The following CADM2 variants were observed in gnomAD, a reference collection of about 807,000 sequenced individuals.
CADM2 encodes immunoglobulin superfamily member 4D.
In CADM2, 12 loss-of-function variants were observed where a neutral mutation model predicts 49.8. The observed-to-expected ratio is 0.24, with a 90% confidence interval of 0.15 to 0.39. CADM2 has a LOEUF of 0.39. Ranked by LOEUF, CADM2 falls within the 10% of genes least tolerant of loss-of-function variation. The pLI is 1.00. For synonymous variants in CADM2, 214 were observed against 175.4 expected, an observed-to-expected ratio of 1.22 and a Z score of -1.74; for missense variants, 378 against 492.3, an observed-to-expected ratio of 0.77 and a Z score of 2.20.
chr3:85,965,864 A>G (rs1160898443), intron 8 of CADM2, among the ~76,000 whole-genome samples: 1 of 151,630 alleles, frequency 6.6e-6, no homozygotes, highest in South Asian at 2.1e-4. Context: ...ATTGGAAGCA[A>G]TGCATACTCT....
chr3:85,926,249 CTGTT>C (rs1474799145), intron 6 of CADM2, among the ~76,000 whole-genome samples: 1 of 151,812 alleles, frequency 6.6e-6, no homozygotes, highest in African/African-American at 2.4e-5. Context: ...CAAGAGAATT[CTGTT>C]TGTTTTTTTG....
At chr3:85,019,359 T>C (rs973702586) in intron 1 of CADM2, among the ~76,000 whole-genome samples, 5 of 152,148 alleles carry the variant, frequency 3.3e-5, no homozygotes. Context: ...GGTGCATGCC[T>C]GTTGTCCCAG....
chr3:85,001,179 C>A (rs761498118), intron 1 of CADM2, among the ~76,000 whole-genome samples: 1 of 151,766 alleles, frequency 6.6e-6, no homozygotes, highest in African/African-American at 2.4e-5. Context: ...ATTTGACATC[C>A]TCTCTGTCCC....
intron 1 of CADM2, among the ~76,000 whole-genome samples, chr3:84,985,675 A>T (rs768913126): frequency 5.3e-5 from 8 of 152,182 alleles, no homozygotes; most frequent in Non-Finnish European, 1.2e-4. Flanking sequence ...CCAGATGTAC[A>T]CGAAATTATC....
intron 2 of CADM2, among the ~76,000 whole-genome samples, chr3:85,729,704 T>A (rs1434373185): frequency 2.0e-5 from 3 of 152,246 alleles, no homozygotes; most frequent in Non-Finnish European, 2.9e-5. Context: ...AACGTATTGC[T>A]AAGGCTCTAT....
rs546100600 is a variant in CADM2, at chr3:85,370,468, A to C, written c.62-356054A>C. On this transcript the variant is annotated intron_variant, in intron 1 of 9. Coordinates refer to ENST00000383699, the MANE Select transcript of CADM2 (RefSeq NM_001167675.2). The stretch of plus-strand genomic sequence containing the variant: ...GAACTAAAATATAATGGAGCTAAAA[A>C]ATTCCTATTGCCTAGTGCTGTCATA... 2.0e-5 allele frequency among the ~76,000 whole-genome samples: 3 copies of C among 151,788 alleles called. No homozygotes were observed. In the East Asian group the frequency reaches 5.8e-4, roughly 29 times the overall value.
At chr3:85,422,434 C>T (rs971810782) in intron 1 of CADM2, among the ~76,000 whole-genome samples, 9 of 151,986 alleles carry the variant, frequency 5.9e-5, no homozygotes, top group Non-Finnish European at 1.2e-4. Context: ...CCTGCCACCA[C>T]GCCCGGCTAA....
At chr3:86,062,532 C>A (rs1490360603) in intron 8 of CADM2, among the ~76,000 whole-genome samples, 1 of 151,924 alleles carries the variant, frequency 6.6e-6, no homozygotes, top group Non-Finnish European at 1.5e-5. Flanking sequence ...AATCCCAGCA[C>A]TTTGGGAGGC....
At position 84,981,333 on chromosome 3, in the gene CADM2, AG is replaced by A. The variant is rs1183076667; in HGVS notation, c.61+21667del. 2.6e-5 allele frequency among the ~76,000 whole-genome samples: 4 copies of A among 152,076 alleles called. No homozygotes were observed. In the East Asian group the frequency reaches 7.7e-4, roughly 29 times the overall value. On this transcript the variant is annotated intron_variant, in intron 1 of 9. Transcript: ENST00000383699. ...GTTAATAATTACAGAACATTTAGAA[AG>A]GATATACCATAGTCTTCCATTTTAA... is the stretch of plus-strand genomic sequence containing the variant.
intron 1 of CADM2, among the ~76,000 whole-genome samples, chr3:85,586,568 A>C (rs577427272): frequency 7.9e-5 from 12 of 152,284 alleles, no homozygotes; most frequent in East Asian, 1.9e-4. Context: ...TCCATTTTGC[A>C]GTAGAATTAC....
At chr3:85,347,404 T>C (rs982343955) in intron 1 of CADM2, among the ~76,000 whole-genome samples, 5 of 146,824 alleles carry the variant, frequency 3.4e-5, no homozygotes, top group African/African-American at 9.8e-5. Context: ...TACTTTTTAA[T>C]ATCTACTCAA....
intron 8 of CADM2, among the ~76,000 whole-genome samples, chr3:86,017,394 T>C (rs959157135): frequency 1.3e-5 from 2 of 151,912 alleles, no homozygotes; most frequent in Admixed American, 6.6e-5. Context: ...TATAAAATAT[T>C]TTTACTTGAT....
intron 1 of CADM2, among the ~76,000 whole-genome samples, chr3:85,605,562 C>T (rs1004670615): frequency 6.6e-6 from 1 of 152,010 alleles, no homozygotes; most frequent in African/African-American, 2.4e-5. Context: ...GAATCCAGAC[C>T]TCCAACTGTT....
chr3:85,277,024 A>T, intron 1 of CADM2, among the ~76,000 whole-genome samples: 1 of 151,402 alleles, frequency 6.6e-6, no homozygotes, highest in East Asian at 1.9e-4. Context: ...GTTAATCTTA[A>T]GCTAATACAA....
At chr3:85,109,450 A>AG (rs1181974152) in intron 1 of CADM2, among the ~76,000 whole-genome samples, 8 of 151,926 alleles carry the variant, frequency 5.3e-5, no homozygotes, top group Admixed American at 1.3e-4. Context: ...ATAGAAAAGT[A>AG]GGGGGGGAAA....
At position 85,266,580 on chromosome 3, in the gene CADM2, G is replaced by T. The variant is rs867755900; in HGVS notation, c.61+306912G>T. Among the ~76,000 whole-genome samples, 34 of 57,332 alleles carry T rather than the reference G, an allele frequency of 5.9e-4. 1 individual carries two copies. In the Middle Eastern group the frequency reaches 0.042, roughly 70 times the overall value. The allele number at this position is 57,332 out of a possible 152,430, so 37.6% of individuals were successfully genotyped here. ...ATCTCAATGATAAGGTGATAATGAA[G>T]AATTATTTTTATGAAACTAGAGTCA... is the stretch of plus-strand genomic sequence containing the variant. On this transcript the variant is annotated intron_variant, in intron 1 of 9. Coordinates refer to ENST00000383699, the MANE Select transcript of CADM2 (RefSeq NM_001167675.2).
Position 85,321,116 on chromosome 3 carries a change from ATTTTTTTTTTTTTTTTTTTTTTT to A in CADM2, c.61+361476_61+361498del, listed in dbSNP as rs1157576505. ...CATATATATATATATATATATATAT[ATTTTTTTTTTTTTTTTTTTTTTT>A]TTTTTTTTTTTTTTTTTTTTTTTTT... On this transcript the variant is annotated intron_variant, in intron 1 of 9. Transcript: ENST00000383699. Among the ~76,000 whole-genome samples, 70 of 27,490 alleles carry A rather than the reference ATTTTTTTTTTTTTTTTTTTTTTT, an allele frequency of 2.5e-3. 1 individual carries two copies. Among genetic ancestry groups the A allele is most frequent in the African/African-American group, 4.3e-3 (29 of 6,820 alleles). The allele number at this position is 27,490 out of a possible 152,430, so 18.0% of individuals were successfully genotyped here.
chr3:85,382,378 A>T (rs2033957074), intron 1 of CADM2, among the ~76,000 whole-genome samples: 1 of 152,106 alleles, frequency 6.6e-6, no homozygotes, highest in Non-Finnish European at 1.5e-5. Flanking sequence ...CTCCTTAGAT[A>T]GGGATGGGAT....
chr3:85,474,564 T>A (rs1306847928), intron 1 of CADM2, among the ~76,000 whole-genome samples: 1 of 151,984 alleles, frequency 6.6e-6, no homozygotes, highest in Non-Finnish European at 1.5e-5. Context: ...CAATTAAGCA[T>A]ATCATTACCT....
Sources: gnomAD v4.1 joint callset for allele counts (sites outside exome capture counted in the v4.1 genomes callset) on GRCh38, gnomAD v4.1.1 for gene constraint, MANE v1.5 for transcripts, NCBI Gene and HGNC (gene_info 2026-07-23, HGNC 2026-07-21) for gene names.